Variants in SLC44A1 observed in about 807,000 individuals in gnomAD.
The protein encoded by SLC44A1 is choline transporter-like protein 1.
SLC44A1 carries 26 observed loss-of-function variants against 79.3 expected under a neutral mutation model. The ratio of observed to expected loss-of-function variants is 0.33; its 90% CI spans 0.24 to 0.46. The LOEUF (loss-of-function observed/expected upper bound fraction) is 0.46, where lower values mean the gene tolerates loss of function less well. Ranked by LOEUF, SLC44A1 falls within the 20% of genes least tolerant of loss-of-function variation. The probability of loss-of-function intolerance (pLI) is 1.00; values close to 1 mark genes in which losing one functional copy is unlikely to be tolerated. For synonymous variants in SLC44A1, 263 were observed against 286.2 expected, an observed-to-expected ratio of 0.92 and a Z score of 0.82; for missense variants, 688 against 798.1, an observed-to-expected ratio of 0.86 and a Z score of 1.66.
chr9:105,313,320 G>A (rs1217034455), intron 3 of SLC44A1, among the ~76,000 whole-genome samples: 2 of 152,184 alleles, frequency 1.3e-5, no homozygotes, highest in African/African-American at 4.8e-5. Context: ...ATTGGCAGTT[G>A]CTAGGTAACA....
Position 105,310,149 on chromosome 9 carries a change from CT to C in SLC44A1, c.269+292del, listed in dbSNP as rs138111575. The stretch of plus-strand genomic sequence containing the variant: ...GATTTGAAAAGGTTATTCTTTTACT[CT>C]TTTTTTTTCTTTAGCCTTTAAGTTA... On this transcript the variant is annotated intron_variant, in intron 3 of 15. Transcript: ENST00000374720. Among the ~76,000 whole-genome samples the C allele has an allele frequency of 3.2e-4, 48 of 150,940 alleles. 1 individual carries two copies. The highest frequency in any genetic ancestry group is 3.9e-4 in the East Asian group (2 of 5,158).
intron 15 of SLC44A1, among the ~76,000 whole-genome samples, chr9:105,413,010 T>G (rs1242880424): frequency 1.3e-5 from 2 of 152,154 alleles, no homozygotes; most frequent in Non-Finnish European, 2.9e-5. Flanking sequence ...AGAGACATCT[T>G]GGGGTAGAGA....
intron 12 of SLC44A1, among the ~76,000 whole-genome samples, chr9:105,372,427 A>G (rs1188846812): frequency 2.0e-5 from 3 of 151,922 alleles, no homozygotes; most frequent in Non-Finnish European, 4.4e-5. Flanking sequence ...AGCCGGGATT[A>G]CAGGCGCATG....
At chr9:105,275,464 C>T (rs1220253151) in intron 1 of SLC44A1, among the ~76,000 whole-genome samples, 3 of 152,160 alleles carry the variant, frequency 2.0e-5, no homozygotes, top group Non-Finnish European at 4.4e-5. Flanking sequence ...GTGAGCCATG[C>T]AATGGGATAA....
chr9:105,268,661 C>T (rs1830013561), intron 1 of SLC44A1, among the ~76,000 whole-genome samples: 1 of 152,048 alleles, frequency 6.6e-6, no homozygotes, highest in African/African-American at 2.4e-5. Context: ...CCACCACGCC[C>T]AGCTAATTTT....
intron 1 of SLC44A1, among the ~76,000 whole-genome samples, chr9:105,278,213 C>T (rs1564410353): frequency 6.6e-6 from 1 of 151,674 alleles, no homozygotes; most frequent in Non-Finnish European, 1.5e-5. Flanking sequence ...AGGTGTGCCA[C>T]TACCGCCTGG....
chr9:105,300,372 T>TG (rs771092418), intron 2 of SLC44A1, among the ~76,000 whole-genome samples: 11 of 152,280 alleles, frequency 7.2e-5, no homozygotes, highest in Middle Eastern at 3.4e-3. Flanking sequence ...TTCCTACTCA[T>TG]GTGTATTTTT....
intron 15 of SLC44A1, among the ~76,000 whole-genome samples, chr9:105,432,485 C>G (rs1038901806): frequency 6.6e-6 from 1 of 152,184 alleles, no homozygotes; most frequent in Non-Finnish European, 1.5e-5. Context: ...GGTTAACATG[C>G]AAGTTGTAAA....
chr9:105,306,206 A>T (rs1831026768), intron 2 of SLC44A1, among the ~76,000 whole-genome samples: 1 of 151,686 alleles, frequency 6.6e-6, no homozygotes, highest in African/African-American at 2.4e-5. Flanking sequence ...ATTGCTTCCT[A>T]CTCCATGCTT....
intron 9 of SLC44A1, among the ~76,000 whole-genome samples, chr9:105,363,449 C>T (rs559230022): frequency 2.6e-5 from 4 of 152,114 alleles, no homozygotes; most frequent in East Asian, 1.9e-4. Flanking sequence ...GGATTATAGG[C>T]GTGAGCCACC....
chr9:105,386,169 A>C lies in SLC44A1; in HGVS notation c.1950+667A>C. ...GATATTATATATGTATATGTACACA[A>C]ATATATCTCTCTACTCCACTTTTAT... is the stretch of plus-strand genomic sequence containing the variant. On this transcript the variant is annotated intron_variant, in intron 15 of 15. Coordinates refer to ENST00000374720, the MANE Select transcript of SLC44A1 (RefSeq NM_080546.5). The C allele has an allele frequency of 4.1e-6, 4 of 979,028 alleles. No individual in the cohort carries two copies. The South Asian group carries it at 1.4e-4, about 35-fold the overall frequency. The allele number at this position is 979,028 out of a possible 1,614,324, so 60.6% of individuals were successfully genotyped here. A position where few individuals can be genotyped will look rare whatever the true frequency, so the allele number is the denominator to read the frequency against.
At chr9:105,433,098 C>G (rs748472514) in intron 15 of SLC44A1, among the ~76,000 whole-genome samples, 4 of 152,094 alleles carry the variant, frequency 2.6e-5, no homozygotes, top group Non-Finnish European at 4.4e-5. Context: ...GAGTTCAAGA[C>G]CAGCCTGGCC....
chr9:105,341,300 A>G (rs1827080048), intron 4 of SLC44A1, among the ~76,000 whole-genome samples: 1 of 149,758 alleles, frequency 6.7e-6, no homozygotes, highest in African/African-American at 2.5e-5. Context: ...GTGCCACTGC[A>G]CTCCAGCCTG....
At chr9:105,341,163 C>CTACTAA (rs1827075335) in intron 4 of SLC44A1, among the ~76,000 whole-genome samples, 2 of 151,928 alleles carry the variant, frequency 1.3e-5, no homozygotes, top group South Asian at 4.2e-4. Flanking sequence ...GGTGAAACCT[C>CTACTAA]ATCTCTACTA....
intron 1 of SLC44A1, among the ~76,000 whole-genome samples, chr9:105,269,222 T>C (rs909350220): frequency 6.6e-6 from 1 of 152,224 alleles, no homozygotes; most frequent in Non-Finnish European, 1.5e-5. Context: ...GGCTGGCCTG[T>C]TTGCTTGAGA....
Position 105,383,172 on chromosome 9 carries a change from A to C in SLC44A1, c.1682A>C (p.Tyr561Ser). The C allele has an allele frequency of 1.9e-6, 3 of 1,614,174 alleles. No homozygotes were observed. Among genetic ancestry groups the C allele is most frequent in the Non-Finnish European group, 2.5e-6 (3 of 1,180,022 alleles). The change falls in exon 14 of 16, where the codon TAC becomes TCC. Residue 561 changes from tyrosine (Y) to serine (S), a missense_variant. By Grantham distance (144) the Tyr-to-Ser change is moderately radical. Coordinates refer to ENST00000374720, the MANE Select transcript of SLC44A1 (RefSeq NM_080546.5). The part of the protein sequence containing the change: ...TGLAGIMLLN[Y>S]QQDYTVWVLP... ...TTAGCTGGGATTATGCTGCTCAACT[A>C]CCAGCAGGACTACACAGTATGGGTG... is the stretch of plus-strand genomic sequence containing the variant.
chr9:105,339,556 G>A lies in SLC44A1; in HGVS notation c.406+3857G>A, dbSNP rs1313687032. Among the ~76,000 whole-genome samples the A allele has an allele frequency of 4.6e-5, 7 of 152,314 alleles. No individual in the cohort carries two copies. The South Asian group carries it at 1.0e-3, about 23-fold the overall frequency. The stretch of plus-strand genomic sequence containing the variant: ...AAGAAAATATGGTGAACTGCCAGTC[G>A]TGGTGGCTCACACCTGTAGTCCCAG... On this transcript the variant is annotated intron_variant, in intron 4 of 15. Coordinates refer to ENST00000374720, the MANE Select transcript of SLC44A1 (RefSeq NM_080546.5).
intron 3 of SLC44A1, among the ~76,000 whole-genome samples, chr9:105,319,773 G>A (rs934253773): frequency 6.6e-6 from 1 of 152,110 alleles, no homozygotes; most frequent in Non-Finnish European, 1.5e-5. Flanking sequence ...TCTGAGTAAG[G>A]TTAAATTCTT....
chr9:105,362,942 CT>C lies in SLC44A1; in HGVS notation c.1025del (p.Phe342SerfsTer13). ...CTGCTAGTCTTCCAACCCTTCTGGACTTTCTTTGCTCTTGTCTTGTTTTGGG... is the reference window on the plus strand; with the variant it reads ...CTGCTAGTCTTCCAACCCTTCTGGACTTCTTTGCTCTTGTCTTGTTTTGGG... The part of the protein sequence containing the change: ...LPLLVFQPFW[T>X]FFALVLFWVY... On this transcript the variant is annotated frameshift_variant, in exon 9 of 16. Coordinates refer to ENST00000374720, the MANE Select transcript of SLC44A1 (RefSeq NM_080546.5). LOFTEE classifies it high-confidence loss of function. The C allele has an allele frequency of 6.2e-7, 1 of 1,613,928 alleles. No individual in the cohort carries two copies. Among genetic ancestry groups the C allele is most frequent in the Non-Finnish European group, 8.5e-7 (1 of 1,179,902 alleles).
Sources: gnomAD v4.1 joint callset for allele counts (sites outside exome capture counted in the v4.1 genomes callset) on GRCh38, gnomAD v4.1.1 for gene constraint, MANE v1.5 for transcripts, NCBI Gene and HGNC (gene_info 2026-07-23, HGNC 2026-07-21) for gene names.